The following MED8 variants were observed in gnomAD, a reference collection of about 807,000 sequenced individuals.
MED8 encodes the protein mediator of RNA polymerase II transcription subunit 8.
MED8 carries 22 observed loss-of-function variants against 34.8 expected under a neutral mutation model. The ratio of observed to expected loss-of-function variants is 0.63; its 90% CI spans 0.45 to 0.90. The LOEUF (loss-of-function observed/expected upper bound fraction) is 0.90, where lower values mean the gene tolerates loss of function less well. Among genes scored for constraint, MED8 ranks in the 40% least tolerant of loss-of-function variants. The pLI, the probability that MED8 is intolerant of heterozygous loss-of-function variation, is 0.00. For synonymous variants in MED8, 105 were observed against 120.2 expected (o/e 0.87, Z 0.83); for missense variants, 260 against 326.3 (o/e 0.80, Z 1.57).
In MED8 at chr1:43,387,642, G is replaced by C; in HGVS notation, c.131C>G (p.Ser44Cys). 6.2e-7 allele frequency: 1 copy of C among 1,613,902 alleles called. No homozygotes were observed. Among genetic ancestry groups the C allele is most frequent in the Non-Finnish European group, 8.5e-7 (1 of 1,179,848 alleles). The change falls in exon 3 of 7, where the codon TCT (serine) becomes TGT (cysteine). Residue 44 changes from serine (S) to cysteine (C), a missense_variant. Transcript: ENST00000372457. The stretch of plus-strand genomic sequence containing the variant: ...AAGCAAGGCAAAGCTGTCCAGGACA[G>C]ATGGCCTGGTGGTGGTAACAAGGTG... The part of the protein sequence containing the change: ...ENEYGRLTWP[S>C]VLDSFALLSG...
rs575013711 is a variant in MED8, at chr1:43,388,054, A to C, written c.125+256T>G. Among the ~76,000 whole-genome samples the C allele has an allele frequency of 3.3e-5, 5 of 152,358 alleles. No homozygotes were observed. The East Asian group carries it at 9.6e-4, about 29-fold the overall frequency. On this transcript the variant is annotated intron_variant, in intron 2 of 6. Coordinates refer to ENST00000372457, the MANE Select transcript of MED8 (RefSeq NM_201542.5). ...AGAGATCCAGCACGAATAGAGCTGT[A>C]GTGGGAGGACCTCCTCACCAGAGAA...
chr1:43,385,775 CA>C (rs1389220310), intron 6 of MED8: 1 of 717,436 alleles, frequency 1.4e-6, no homozygotes, highest in East Asian at 2.7e-5. Flanking sequence ...TTCTGTTACT[CA>C]AAGTTCTTCC....
chr1:43,387,717 G>A, intron 2 of MED8, 70 bp from the exon 3 acceptor site: 1 of 1,563,010 alleles, frequency 6.4e-7, no homozygotes, highest in Admixed American at 1.7e-5. Flanking sequence ...AATAGTCCTA[G>A]TTCCTTCAGG....
At chr1:43,389,574 AC>A (rs1200528556) in intron 1 of MED8, among the ~76,000 whole-genome samples, 184 bp downstream of exon 1, 1 of 151,388 alleles carries the variant, frequency 6.6e-6, no homozygotes, top group Non-Finnish European at 1.5e-5. Context: ...GGCAAGCTCC[AC>A]CCCCACCTCT....
At chr1:43,387,023 C>T (rs1647758796) in intron 3 of MED8, 25 bp from the exon 4 acceptor site, 2 of 1,612,656 alleles carry the variant, frequency 1.2e-6, no homozygotes, top group Non-Finnish European at 1.7e-6. Flanking sequence ...TTTTATTGAT[C>T]CTACTCTGTA....
chr1:43,385,192 C>A (rs1487343344), intron 6 of MED8, 86 bp from the exon 7 acceptor site: 2 of 1,504,882 alleles, frequency 1.3e-6, no homozygotes, highest in Admixed American at 2.1e-5. Flanking sequence ...TTCCCTCTGT[C>A]ACTTCCTTTA....
Position 43,384,998 on chromosome 1 carries a change from C to G in MED8, c.*44G>C, listed in dbSNP as rs142431861. ...TTGAGCAAAAGGTAATTTCACTGCC[C>G]AACTCTGCAAAGAGCACCAGGGAGT... On this transcript the variant is annotated 3_prime_UTR_variant, in exon 7 of 7. Coordinates refer to ENST00000372457, the MANE Select transcript of MED8 (RefSeq NM_201542.5). 378 of 1,545,502 alleles carry G rather than the reference C, an allele frequency of 2.4e-4. No individual in the cohort carries two copies. Among genetic ancestry groups the G allele is most frequent in the Non-Finnish European group, 3.2e-4 (365 of 1,145,086 alleles).
chr1:43,384,873 G>A lies in MED8; in HGVS notation c.*169C>T. 7.1e-7 allele frequency: 1 copy of A among 1,399,930 alleles called. No homozygotes were observed. The highest frequency in any genetic ancestry group is 9.4e-7 in the Non-Finnish European group (1 of 1,068,176). The allele number at this position is 1,399,930 out of a possible 1,614,324, so 86.7% of individuals were successfully genotyped here. A position where few individuals can be genotyped will look rare whatever the true frequency, so the allele number is the denominator to read the frequency against. ...ATGAGAAACAGGCTCAGAAAAATTA[G>A]GTCACTTGTCCAAGGTCACACAGCT... On this transcript the variant is annotated 3_prime_UTR_variant, in exon 7 of 7. Transcript: ENST00000372457.
chr1:43,388,549 T>C (rs1647864260), intron 1 of MED8, 121 bp from the exon 2 acceptor site: 4 of 1,454,666 alleles, frequency 2.7e-6, no homozygotes, highest in Non-Finnish European at 3.7e-6. Context: ...CTCATTGGCA[T>C]AGGATAGCCA....
chr1:43,389,548 C>G (rs1003754517), intron 1 of MED8, among the ~76,000 whole-genome samples: 2 of 152,146 alleles, frequency 1.3e-5, no homozygotes, highest in Admixed American at 6.5e-5. Flanking sequence ...GGATTTAGCC[C>G]GACTGTCTCC....
At chr1:43,387,151 ACTCCATCCTT>A (rs1432103561) in intron 3 of MED8, among the ~76,000 whole-genome samples, 153 bp from the exon 4 acceptor site, 2 of 151,760 alleles carry the variant, frequency 1.3e-5, no homozygotes, top group Non-Finnish European at 2.9e-5. Context: ...ACTCTCCTTT[ACTCCATCCTT>A]CATTTTTTGT....
chr1:43,384,957 C>A lies in MED8; in HGVS notation c.*85G>T, dbSNP rs1326551175. 2 of 1,492,862 alleles carry A rather than the reference C, an allele frequency of 1.3e-6. No homozygotes were observed. The highest frequency in any genetic ancestry group is 1.8e-6 in the Non-Finnish European group (2 of 1,121,422). 92.5% of individuals were successfully genotyped at this position (1,492,862 alleles called of 1,614,324 possible). A position where few individuals can be genotyped will look rare whatever the true frequency, so the allele number is the denominator to read the frequency against. On this transcript the variant is annotated 3_prime_UTR_variant, in exon 7 of 7. Transcript: ENST00000372457. The stretch of plus-strand genomic sequence containing the variant: ...GAAAGCCCATGTTCTTTTTATTGTA[C>A]CCATCTAGGTGAGCCTTGAGCAAAA...
chr1:43,389,712 T>A, intron 1 of MED8, 47 bp downstream of exon 1: 1 of 1,602,300 alleles, frequency 6.2e-7, no homozygotes, highest in Non-Finnish European at 8.5e-7. Context: ...TCTCGGTCCC[T>A]GTACCCGAAG....
At chr1:43,388,135 T>G (rs982673095) in intron 2 of MED8, among the ~76,000 whole-genome samples, 175 bp downstream of exon 2, 2 of 152,222 alleles carry the variant, frequency 1.3e-5, no homozygotes, top group Non-Finnish European at 1.5e-5. Context: ...ACTGAGCATT[T>G]CTCTACTTCC....
intron 6 of MED8, chr1:43,385,611 C>A: frequency 3.5e-6 from 1 of 285,420 alleles, no homozygotes. Flanking sequence ...GCCTGCGTGT[C>A]AATTCCTGAT....
chr1:43,388,275 A>G, intron 2 of MED8, 35 bp downstream of exon 2: 1 of 1,606,306 alleles, frequency 6.2e-7, no homozygotes. Flanking sequence ...CCCCCCACCC[A>G]TAAGCCCTTC....
At position 43,386,704 on chromosome 1, in the gene MED8, A is replaced by C. The variant is rs368862940; in HGVS notation, c.412-34T>G. On this transcript the variant is annotated intron_variant, in intron 4 of 6. Transcript: ENST00000372457. This position sits in a 1 kb window ranked among gnomAD's most constrained non-coding sequence, Gnocchi z 4.9. The stretch of plus-strand genomic sequence containing the variant: ...CACAAATTTGTGCAGAGATTAGGGT[A>C]ACTAGGAAACGATATGGAGAAATTT... 9 of 1,597,368 alleles carry C rather than the reference A, an allele frequency of 5.6e-6. No homozygotes were observed. The highest frequency in any genetic ancestry group is 7.7e-6 in the Non-Finnish European group (9 of 1,171,248).
intron 6 of MED8, chr1:43,385,717 G>A (rs1647704095): frequency 3.9e-6 from 2 of 512,416 alleles, no homozygotes; most frequent in Non-Finnish European, 7.0e-6. Flanking sequence ...TGGGATAGAA[G>A]GATAGTTGAC....
At chr1:43,388,259 C>G in intron 2 of MED8, 51 bp downstream of exon 2, 1 of 1,566,220 alleles carries the variant, frequency 6.4e-7, no homozygotes, top group Non-Finnish European at 8.7e-7. Context: ...CATCAGGAGG[C>G]TAGGCCCCCC....
Sources: gnomAD v4.1 joint callset for allele counts (sites outside exome capture counted in the v4.1 genomes callset) on GRCh38, gnomAD v4.1.1 for gene constraint, Gnocchi (gnomAD v3.1) non-coding constraint, MANE v1.5 for transcripts, NCBI Gene and HGNC (gene_info 2026-07-23, HGNC 2026-07-21) for gene names.